ASIC2: variants seen among roughly 807,000 people sequenced by gnomAD.
ASIC2 encodes acid-sensing ion channel 2.
Under a neutral mutation model 57.3 loss-of-function variants are expected in ASIC2, and 25 were observed. The ratio of observed to expected loss-of-function variants is 0.44; its 90% CI spans 0.32 to 0.61. The LOEUF (loss-of-function observed/expected upper bound fraction) is 0.61, where lower values mean the gene tolerates loss of function less well. ASIC2 is among the 20% of genes least tolerant of loss of function. The pLI, the probability that ASIC2 is intolerant of heterozygous loss-of-function variation, is 0.06. For synonymous variants in ASIC2, 319 were observed against 307.5 expected (o/e 1.04, Z -0.39); for missense variants, 641 against 738.1 (o/e 0.87, Z 1.52).
At chr17:34,072,611 A>G (rs1240610221) in intron 1 of ASIC2, among the ~76,000 whole-genome samples, 2 of 152,218 alleles carry the variant, frequency 1.3e-5, no homozygotes, top group African/African-American at 4.8e-5. Context: ...CCTAGAGATG[A>G]ATAAAAGTTG....
At chr17:33,411,981 A>C (rs1345435286) in intron 1 of ASIC2, among the ~76,000 whole-genome samples, 6 of 152,330 alleles carry the variant, frequency 3.9e-5, no homozygotes, top group Non-Finnish European at 8.8e-5. Context: ...CAAATCTGTG[A>C]GTGCTATGGT....
intron 1 of ASIC2, among the ~76,000 whole-genome samples, chr17:33,975,045 T>C (rs1182594177): frequency 6.6e-6 from 1 of 152,256 alleles, no homozygotes; most frequent in African/African-American, 2.4e-5. Flanking sequence ...GTCTGCTTTA[T>C]TCATTGGTAT....
intron 1 of ASIC2, among the ~76,000 whole-genome samples, chr17:33,563,774 T>C (rs568103638): frequency 6.6e-6 from 1 of 152,172 alleles, no homozygotes; most frequent in African/African-American, 2.4e-5. Context: ...CAAGGCCACA[T>C]GGGGAGTGAC....
At chr17:33,420,852 GA>G (rs1359490560) in intron 1 of ASIC2, among the ~76,000 whole-genome samples, 1 of 152,146 alleles carries the variant, frequency 6.6e-6, no homozygotes, top group Non-Finnish European at 1.5e-5. Flanking sequence ...GGATGAATTA[GA>G]ATCCCAGAGT....
intron 1 of ASIC2, among the ~76,000 whole-genome samples, chr17:33,655,350 A>G (rs1188077374): frequency 1.3e-5 from 2 of 152,150 alleles, no homozygotes; most frequent in Non-Finnish European, 2.9e-5. Flanking sequence ...CAGTTTCTCA[A>G]TTCCTAATGC....
intron 1 of ASIC2, among the ~76,000 whole-genome samples, chr17:33,415,846 T>C (rs1017153886): frequency 6.6e-6 from 1 of 152,218 alleles, no homozygotes; most frequent in African/African-American, 2.4e-5. Context: ...GAGAATTGAT[T>C]GAAAAACCCA....
chr17:33,255,242 G>A (rs963292733), intron 1 of ASIC2, among the ~76,000 whole-genome samples: 4 of 151,826 alleles, frequency 2.6e-5, no homozygotes, highest in Non-Finnish European at 4.4e-5. Context: ...GTTTCACCAT[G>A]TTGGCCAGGC....
intron 1 of ASIC2, among the ~76,000 whole-genome samples, chr17:33,530,625 CT>C (rs1381455651): frequency 6.6e-6 from 1 of 152,180 alleles, no homozygotes; most frequent in African/African-American, 2.4e-5. Flanking sequence ...GCACTAAGCC[CT>C]TTTTTCAAGG....
chr17:33,527,468 G>A (rs115886027), intron 1 of ASIC2, among the ~76,000 whole-genome samples: 1,926 of 152,254 alleles, frequency 0.013, 46 homozygotes, highest in African/African-American at 0.044. Flanking sequence ...TCCACATGAG[G>A]ATTAAATGAG....
chr17:33,149,481 T>A (rs1904698740), intron 1 of ASIC2, among the ~76,000 whole-genome samples: 3 of 152,246 alleles, frequency 2.0e-5, no homozygotes, highest in African/African-American at 7.2e-5. Flanking sequence ...TATTCTTTCA[T>A]CATTGAGTGA....
At chr17:33,661,940 G>T (rs758751058) in intron 1 of ASIC2, among the ~76,000 whole-genome samples, 2 of 152,110 alleles carry the variant, frequency 1.3e-5, no homozygotes, top group African/African-American at 4.8e-5. Flanking sequence ...ACTTTACTTC[G>T]CTCTGTCCCC....
chr17:33,636,693 A>G (rs914185962), intron 1 of ASIC2, among the ~76,000 whole-genome samples: 2 of 152,176 alleles, frequency 1.3e-5, no homozygotes, highest in African/African-American at 2.4e-5. Flanking sequence ...TAGGAAGCAA[A>G]TAGTTCTGAA....
chr17:33,721,817 G>A (rs1217179154), intron 1 of ASIC2, among the ~76,000 whole-genome samples: 3 of 152,212 alleles, frequency 2.0e-5, no homozygotes, highest in Non-Finnish European at 4.4e-5. Context: ...AGAGAGGAAA[G>A]AGTGAACACA....
chr17:33,378,284 T>C (rs887119409), intron 1 of ASIC2, among the ~76,000 whole-genome samples: 2 of 152,250 alleles, frequency 1.3e-5, no homozygotes, highest in Admixed American at 6.5e-5. Context: ...TAGCTAAACA[T>C]TGTGGCCACC....
chr17:33,028,259 C>A lies in ASIC2; in HGVS notation c.1121G>T (p.Arg374Leu). Residue 374 changes from arginine to leucine, a missense_variant, in exon 4 of 10, where the codon CGC becomes CTC. By Grantham distance (102) the Arg-to-Leu change is moderately radical (BLOSUM62 -2). Transcript: ENST00000225823. ...GCACTGACCTGGCATGTGAACCATG[C>A]GGCAGTTGCAGTTTTCCACAATGTA... ...TRYIVENCNCRMVHMPGDAPF... is the reference protein window; with the variant it reads ...TRYIVENCNCLMVHMPGDAPF... 1 of 1,614,048 alleles carries A rather than the reference C, an allele frequency of 6.2e-7. No homozygotes were observed. The highest frequency in any genetic ancestry group is 1.1e-5 in the South Asian group (1 of 91,072).
At chr17:33,798,582 G>T (rs576278090) in intron 1 of ASIC2, among the ~76,000 whole-genome samples, 3 of 152,180 alleles carry the variant, frequency 2.0e-5, no homozygotes, top group Non-Finnish European at 2.9e-5. Flanking sequence ...TTGATGGGGA[G>T]TAGGGTTGGC....
chr17:34,008,913 C>G (rs1396108389), intron 1 of ASIC2, among the ~76,000 whole-genome samples: 2 of 152,190 alleles, frequency 1.3e-5, no homozygotes, highest in East Asian at 3.8e-4. Flanking sequence ...GAACTGACAA[C>G]AAGGACATTT....
At chr17:33,773,750 G>A (rs553993265) in intron 1 of ASIC2, among the ~76,000 whole-genome samples, 2 of 151,800 alleles carry the variant, frequency 1.3e-5, no homozygotes, top group South Asian at 4.2e-4. Flanking sequence ...CAACTCCTGG[G>A]CTCAAGTGAT....
chr17:33,291,294 A>G (rs1411623302), intron 1 of ASIC2, 114 bp downstream of exon 1: 2 of 1,438,268 alleles, frequency 1.4e-6, no homozygotes, highest in Non-Finnish European at 1.8e-6. Context: ...GGCATCGTGG[A>G]GTGGTAACAC....
Sources: gnomAD v4.1 joint callset for allele counts (sites outside exome capture counted in the v4.1 genomes callset) on GRCh38, gnomAD v4.1.1 for gene constraint, MANE v1.5 for transcripts, NCBI Gene and HGNC (gene_info 2026-07-23, HGNC 2026-07-21) for gene names.